Variants in KCNH7 observed in about 807,000 individuals in gnomAD.
KCNH7 encodes potassium voltage-gated channel subfamily H member 7.
Under a neutral mutation model 120.8 loss-of-function variants are expected in KCNH7, and 49 were observed. The ratio of observed to expected loss-of-function variants is 0.41; its 90% CI spans 0.32 to 0.51. KCNH7 has a LOEUF of 0.51. Among genes scored for constraint, KCNH7 ranks in the 20% least tolerant of loss-of-function variants. The pLI is 0.38. For synonymous variants in KCNH7, 547 were observed against 516.1 expected (o/e 1.06, Z -0.81); for missense variants, 1,097 against 1,446.6 (o/e 0.76, Z 3.92).
chr2:162,400,342 C>A lies in KCNH7; in HGVS notation c.2254G>T (p.Gly752Cys), dbSNP rs745497316. The A allele has an allele frequency of 3.1e-6, 5 of 1,612,530 alleles. No individual in the cohort carries two copies. Among genetic ancestry groups the A allele is most frequent in the South Asian group, 1.1e-5 (1 of 91,066 alleles). Residue 752 changes from glycine (G) to cysteine (C), a missense_variant, in exon 10 of 16, where the codon GGT (glycine) becomes TGT (cysteine). Physicochemically the swap from Gly to Cys is radical, Grantham distance 159. Around this residue, in one of 8 missense-constraint regions of KCNH7, gnomAD observed 101 missense variants for 176.3 expected, o/e 0.57. Coordinates refer to ENST00000332142, the MANE Select transcript of KCNH7 (RefSeq NM_033272.4). ...NCKAFRGASK[G>C]CLRALAMKFK... ...TTCATTGCCAAAGCTCTAAGGCAAC[C>A]TTTACTTGCCCCCCGAAAGGCTTTG...
At chr2:162,462,183 GA>G (rs770647410) in intron 6 of KCNH7, among the ~76,000 whole-genome samples, 57 of 151,730 alleles carry the variant, frequency 3.8e-4, no homozygotes, top group Middle Eastern at 3.4e-3. Context: ...GTACGTTAAG[GA>G]AAAAAAATCA....
chr2:162,727,247 T>C (rs925044307), intron 2 of KCNH7, among the ~76,000 whole-genome samples: 1 of 152,162 alleles, frequency 6.6e-6, no homozygotes, highest in Admixed American at 6.6e-5. Context: ...ACTGATAAAA[T>C]ATGCTTATAT....
At chr2:162,594,818 A>G (rs1238698844) in intron 2 of KCNH7, among the ~76,000 whole-genome samples, 1 of 152,050 alleles carries the variant, frequency 6.6e-6, no homozygotes, top group Non-Finnish European at 1.5e-5. Flanking sequence ...ACCATTTTAT[A>G]TAAGAAACTT....
intron 6 of KCNH7, among the ~76,000 whole-genome samples, chr2:162,448,322 C>T (rs1688654085): frequency 6.6e-6 from 1 of 152,018 alleles, no homozygotes; most frequent in African/African-American, 2.4e-5. Flanking sequence ...AGCAGAACTA[C>T]TCAGTATATA....
In KCNH7 at chr2:162,586,017, T is replaced by G. The variant is rs183255047; in HGVS notation, c.308-48937A>C. Among the ~76,000 whole-genome samples, 304 of 152,254 alleles carry G rather than the reference T, an allele frequency of 2.0e-3. 2 individuals carry two copies. The highest frequency in any genetic ancestry group is 6.9e-3 in the African/African-American group (288 of 41,566). ...TTTAAAAAAATTAAATTTTCTGATT[T>G]TCTTCCCATATAGTTATGATTAGAT... On this transcript the variant is annotated intron_variant, in intron 2 of 15. Transcript: ENST00000332142.
At position 162,811,186 on chromosome 2, in the gene KCNH7, G is replaced by A. The variant is rs35617118; in HGVS notation, c.307+25351C>T. ...TGAAGTGAGATAGGAACCCGAAGGC[G>A]TGCATACTTTTCCATTTATTCTTCA... On this transcript the variant is annotated intron_variant, in intron 2 of 15. Coordinates refer to ENST00000332142, the MANE Select transcript of KCNH7 (RefSeq NM_033272.4). 2.5e-3 allele frequency among the ~76,000 whole-genome samples: 387 copies of A among 152,140 alleles called. 1 individual carries two copies. The highest frequency in any genetic ancestry group is 3.9e-3 in the Non-Finnish European group (266 of 67,974).
At chr2:162,557,545 T>C (rs1395162951) in intron 2 of KCNH7, among the ~76,000 whole-genome samples, 1 of 152,146 alleles carries the variant, frequency 6.6e-6, no homozygotes, top group African/African-American at 2.4e-5. Flanking sequence ...TGCAGCTGTC[T>C]TTGGAAAATG....
chr2:162,470,214 A>G, intron 6 of KCNH7, among the ~76,000 whole-genome samples: 1 of 145,528 alleles, frequency 6.9e-6, no homozygotes, highest in East Asian at 2.1e-4. Context: ...CCCAGTCTGG[A>G]AAGTGAGGAG....
intron 2 of KCNH7, among the ~76,000 whole-genome samples, chr2:162,717,564 A>G (rs1687172166): frequency 6.6e-6 from 1 of 152,046 alleles, no homozygotes; most frequent in African/African-American, 2.4e-5. Context: ...CATTTCCACT[A>G]TCTGCACTTA....
chr2:162,784,794 A>C (rs890415157), intron 2 of KCNH7: 2 of 152,192 alleles, frequency 1.3e-5, no homozygotes, highest in African/African-American at 4.8e-5. Flanking sequence ...CCTTTCCTAA[A>C]GATCTTAGAA....
At chr2:162,391,929 A>G (rs1558922282) in intron 12 of KCNH7, among the ~76,000 whole-genome samples, 1 of 152,028 alleles carries the variant, frequency 6.6e-6, no homozygotes, top group African/African-American at 2.4e-5. Context: ...AGTCACCAAG[A>G]AAATAATTAA....
chr2:162,781,368 G>A (rs923004599), intron 2 of KCNH7, among the ~76,000 whole-genome samples: 1 of 151,860 alleles, frequency 6.6e-6, no homozygotes, highest in African/African-American at 2.4e-5. Flanking sequence ...TAAGGCCAGA[G>A]ACTGAATTCT....
chr2:162,380,329 AT>A (rs1408001690), intron 13 of KCNH7, among the ~76,000 whole-genome samples: 2 of 152,122 alleles, frequency 1.3e-5, no homozygotes, highest in Non-Finnish European at 2.9e-5. Flanking sequence ...ACCAAAACTG[AT>A]TAGAGAACAA....
chr2:162,419,659 C>A (rs367839169), intron 9 of KCNH7, among the ~76,000 whole-genome samples: 3 of 152,056 alleles, frequency 2.0e-5, no homozygotes, highest in Admixed American at 6.6e-5. Flanking sequence ...CTCATACAGG[C>A]ATTTTTTCCA....
intron 2 of KCNH7, among the ~76,000 whole-genome samples, chr2:162,574,937 T>G (rs541317133): frequency 6.6e-6 from 1 of 152,244 alleles, no homozygotes; most frequent in South Asian, 2.1e-4. Context: ...AATGCTCAGG[T>G]AGATGAGAAT....
chr2:162,469,496 T>C (rs954899518), intron 6 of KCNH7, among the ~76,000 whole-genome samples: 4 of 151,056 alleles, frequency 2.6e-5, no homozygotes, highest in Non-Finnish European at 5.9e-5. Flanking sequence ...ACGGTACTAG[T>C]TGAGTGAATC....
intron 2 of KCNH7, among the ~76,000 whole-genome samples, chr2:162,799,104 A>G (rs1684250939): frequency 6.6e-6 from 1 of 152,050 alleles, no homozygotes; most frequent in Admixed American, 6.6e-5. Flanking sequence ...CACTGTGGGA[A>G]GCCCCACTTG....
At chr2:162,786,467 C>A (rs1261068888) in intron 2 of KCNH7, among the ~76,000 whole-genome samples, 1 of 152,078 alleles carries the variant, frequency 6.6e-6, no homozygotes, top group Admixed American at 6.5e-5. Context: ...AGATATTGGA[C>A]CCTGGGAATG....
chr2:162,402,184 G>C (rs918849230), intron 9 of KCNH7, among the ~76,000 whole-genome samples: 10 of 151,206 alleles, frequency 6.6e-5, no homozygotes, highest in African/African-American at 2.2e-4. Flanking sequence ...TGCCTAGTCT[G>C]TGCCTGTTTC....
Sources: allele counts gnomAD v4.1 joint callset (sites outside exome capture counted in the v4.1 genomes callset), GRCh38; gene constraint gnomAD v4.1.1; regional missense constraint gnomAD v4.1.1; transcripts MANE v1.5; gene names NCBI Gene and HGNC (gene_info 2026-07-23, HGNC 2026-07-21).